The following ECI1 variants were observed in gnomAD, a reference collection of about 807,000 sequenced individuals.
The protein encoded by ECI1 is enoyl-CoA delta isomerase 1, also known as enoyl-CoA delta isomerase 1, mitochondrial.
Under a neutral mutation model 34.2 loss-of-function variants are expected in ECI1, and 34 were observed. The observed-to-expected ratio is 1.00, with a 90% confidence interval of 0.76 to 1.33. The LOEUF is 1.33. ECI1 is among the 40% of genes most tolerant of loss of function. The probability of loss-of-function intolerance (pLI) is 0.00; values close to 1 mark genes in which losing one functional copy is unlikely to be tolerated. For missense variants in ECI1, 456 were observed against 422.2 expected (o/e 1.08, Z -0.70); for synonymous variants, 211 against 193.0 (o/e 1.09, Z -0.77).
intron 2 of ECI1, among the ~76,000 whole-genome samples, chr16:2,250,647 T>C (rs2093551163): frequency 6.6e-6 from 1 of 152,162 alleles, no homozygotes; most frequent in Non-Finnish European, 1.5e-5. Flanking sequence ...CCAAAAGTAC[T>C]TTTTCTATCC....
intron 2 of ECI1, among the ~76,000 whole-genome samples, chr16:2,248,141 G>C (rs962657241): frequency 1.3e-5 from 2 of 151,946 alleles, no homozygotes; most frequent in Non-Finnish European, 2.9e-5. Context: ...TCGTCGCCCA[G>C]GCTGGAGTGC....
Position 2,251,524 on chromosome 16 carries a change from G to C in ECI1, c.43C>G (p.Leu15Val), listed in dbSNP as rs2093554041. Residue 15 changes from leucine to valine, a missense_variant, in exon 1 of 7, where the codon CTC (leucine) becomes GTC (valine). Leu to Val is a conservative substitution (Grantham distance 32). Coordinates refer to ENST00000301729, the MANE Select transcript of ECI1 (RefSeq NM_001919.4). ...ASVRVPARVL[L>V]RAGARLPGAA... ...ACCCCGGGTTTCGCACCCGCGCGGAGCAGAACGCGCGCCGGGACTCGCACA... is the reference window on the plus strand; with the variant it reads ...ACCCCGGGTTTCGCACCCGCGCGGACCAGAACGCGCGCCGGGACTCGCACA... The C allele has an allele frequency of 1.9e-6, 3 of 1,560,516 alleles. No homozygotes were observed. Among genetic ancestry groups the C allele is most frequent in the Non-Finnish European group, 2.6e-6 (3 of 1,153,740 alleles).
At position 2,246,852 on chromosome 16, in the gene ECI1, C is replaced by T. The variant is rs750942541; in HGVS notation, c.294+7G>A. On this transcript the variant is annotated splice_region_variant and intron_variant, in intron 3 of 6. Coordinates refer to ENST00000301729, the MANE Select transcript of ECI1 (RefSeq NM_001919.4). ...GGGCTGGGGTAGGGAGCTGAACTAG[C>T]ACCTACCGAGGTCAGAATGACACCG... is the stretch of plus-strand genomic sequence containing the variant. 2.5e-6 allele frequency: 4 copies of T among 1,612,256 alleles called. No homozygotes were observed. The highest frequency in any genetic ancestry group is 3.4e-6 in the Non-Finnish European group (4 of 1,180,004).
chr16:2,239,896 T>G lies in ECI1; in HGVS notation c.*83A>C. ...AGCAAAATGAAACGCTGGCAGTACTTTTAAGTTGAAAAATACCTTGTTTAA... is the reference window on the plus strand; with the variant it reads ...AGCAAAATGAAACGCTGGCAGTACTGTTAAGTTGAAAAATACCTTGTTTAA... On this transcript the variant is annotated 3_prime_UTR_variant, in exon 7 of 7. Coordinates refer to ENST00000301729, the MANE Select transcript of ECI1 (RefSeq NM_001919.4). 1.4e-6 allele frequency: 2 copies of G among 1,459,884 alleles called. No individual in the cohort carries two copies. The highest frequency in any genetic ancestry group is 1.9e-6 in the Non-Finnish European group (2 of 1,041,426). 90.4% of individuals were successfully genotyped at this position (1,459,884 alleles called of 1,614,324 possible).
At chr16:2,249,540 AT>A (rs2093547910) in intron 2 of ECI1, among the ~76,000 whole-genome samples, 2 of 151,700 alleles carry the variant, frequency 1.3e-5, no homozygotes, top group African/African-American at 4.8e-5. Context: ...TACAATGACA[AT>A]TTTTTTACTC....
chr16:2,242,619 AG>A, intron 6 of ECI1: 1 of 213,456 alleles, frequency 4.7e-6, no homozygotes, highest in Non-Finnish European at 9.5e-6. Context: ...CTTGGATTTA[AG>A]GTAGGTCCTA....
intron 2 of ECI1, among the ~76,000 whole-genome samples, chr16:2,250,098 G>C (rs917822910): frequency 6.7e-6 from 1 of 149,004 alleles, no homozygotes; most frequent in Non-Finnish European, 1.5e-5. Context: ...CAGAAACTCA[G>C]TTTTTACAAA....
At chr16:2,244,726 TCTC>T in intron 3 of ECI1, among the ~76,000 whole-genome samples, 174 bp from the exon 4 acceptor site, 1 of 152,254 alleles carries the variant, frequency 6.6e-6, no homozygotes, top group South Asian at 2.1e-4. Context: ...GGCCAAGGCT[TCTC>T]CTGGACCTGG....
chr16:2,244,589 C>A lies in ECI1; in HGVS notation c.295-37G>T, dbSNP rs777373321. On this transcript the variant is annotated intron_variant, in intron 3 of 6. Coordinates refer to ENST00000301729, the MANE Select transcript of ECI1 (RefSeq NM_001919.4). ...GCCGGGGCCACATGCCCATCAGAGT[C>A]CACCTCCCAGCTGGCATCACAGCAG... The A allele has an allele frequency of 5.1e-6, 8 of 1,559,692 alleles. No individual in the cohort carries two copies. The East Asian group carries it at 1.9e-4, about 37-fold the overall frequency.
chr16:2,247,402 T>C (rs2093542921), intron 2 of ECI1, among the ~76,000 whole-genome samples: 1 of 151,854 alleles, frequency 6.6e-6, no homozygotes, highest in African/African-American at 2.4e-5. Context: ...GTCCTATTTT[T>C]ATTTACTTTT....
rs142153290 is a variant in ECI1 at position 2,240,068 on chromosome 16, C to T, written c.820G>A (p.Val274Met). Reference sequence around the variant, plus strand: ...GAGATGAAGCTGACGAAGTTCTGCACGTCCGCATCGCGCTGCGTGACCAGG... The same window carrying T: ...GAGATGAAGCTGACGAAGTTCTGCATGTCCGCATCGCGCTGCGTGACCAGG... ...SRLVTQRDAD[V>M]QNFVSFISKD... Residue 274 changes from valine to methionine, a missense_variant, in exon 7 of 7, where the codon GTG (valine) becomes ATG (methionine). Physicochemically the swap from Val to Met is conservative, Grantham distance 21. Transcript: ENST00000301729. The T allele has an allele frequency of 2.3e-4, 373 of 1,613,998 alleles. No individual in the cohort carries two copies. Among genetic ancestry groups the T allele is most frequent in the Non-Finnish European group, 3.1e-4 (361 of 1,180,026 alleles).
chr16:2,240,499 G>C (rs26844), intron 6 of ECI1: 137,939 of 275,194 alleles, frequency 0.5, 35,653 homozygotes, highest in African/African-American at 0.58. Context: ...GCATGAGCCA[G>C]CACGCCCGGC....
In ECI1 at chr16:2,244,482, G is replaced by A; in HGVS notation, c.365C>T (p.Ala122Val). ...CTCCTGAACGGCCTTCCAGTACCCA[G>A]CGTAGTGGGCGGGGCTCCTCCCACA... Reference protein sequence around the residue: ...EMCGRSPAHYAGYWKAVQELW... With the variant: ...EMCGRSPAHYVGYWKAVQELW... Residue 122 changes from alanine (A) to valine (V), a missense_variant, in exon 4 of 7, where the codon GCT becomes GTT. By Grantham distance (64) the Ala-to-Val change is moderately conservative. Coordinates refer to ENST00000301729, the MANE Select transcript of ECI1 (RefSeq NM_001919.4). 6.2e-7 allele frequency: 1 copy of A among 1,610,066 alleles called. No individual in the cohort carries two copies. The highest frequency in any genetic ancestry group is 8.5e-7 in the Non-Finnish European group (1 of 1,178,770).
At chr16:2,249,380 G>C (rs1202349911) in intron 2 of ECI1, among the ~76,000 whole-genome samples, 1 of 151,966 alleles carries the variant, frequency 6.6e-6, no homozygotes, top group East Asian at 1.9e-4. Context: ...GTATTGGAAT[G>C]GGTAGTGTGG....
rs746958924 is a variant in ECI1 at position 2,246,982 on chromosome 16, G to A, written c.171C>T (p.Val57=). The part of the protein sequence containing the change: ...VLVEPDAGAG[V]AVMKFKNPPV... ...GGGGGTTCTTGAATTTCATCACAGC[G>A]ACCCCTAATTTAAAGAATGAGAAGA... Residue 57 remains valine (V), a synonymous_variant, in exon 3 of 7, where the codon GTC becomes GTT. Coordinates refer to ENST00000301729, the MANE Select transcript of ECI1 (RefSeq NM_001919.4). 7.4e-6 allele frequency: 12 copies of A among 1,613,006 alleles called. No individual in the cohort carries two copies. The highest frequency in any genetic ancestry group is 4.0e-5 in the African/African-American group (3 of 74,906).
rs2093523058 is a variant in ECI1, at chr16:2,239,627, G to A, written c.*352C>T. 2 of 366,744 alleles carry A rather than the reference G, an allele frequency of 5.5e-6. No individual in the cohort carries two copies. Among genetic ancestry groups the A allele is most frequent in the Non-Finnish European group, 1.1e-5 (2 of 188,936 alleles). 22.7% of individuals were successfully genotyped at this position (366,744 alleles called of 1,614,324 possible). On this transcript the variant is annotated 3_prime_UTR_variant, in exon 7 of 7. Transcript: ENST00000301729. ...AGACCACCTGGCCTTACACCTAAGA[G>A]CAGGCAGTCCAAAGGCCAGAATGGA...
intron 6 of ECI1, chr16:2,240,446 G>T: frequency 2.8e-6 from 1 of 359,900 alleles, no homozygotes; most frequent in Non-Finnish European, 5.3e-6. Context: ...CCTGACCTCA[G>T]GTGATCCACC....
chr16:2,240,052 C>G lies in ECI1; in HGVS notation c.836G>C (p.Ser279Thr). 1 of 1,614,006 alleles carries G rather than the reference C, an allele frequency of 6.2e-7. No homozygotes were observed. The highest frequency in any genetic ancestry group is 8.5e-7 in the Non-Finnish European group (1 of 1,180,020). Reference protein sequence around the residue: ...QRDADVQNFVSFISKDSIQKS... With the variant: ...QRDADVQNFVTFISKDSIQKS... ...CTGGATGGAGTCTTTGGAGATGAAG[C>G]TGACGAAGTTCTGCACGTCCGCATC... Residue 279 changes from serine to threonine, a missense_variant, in exon 7 of 7, where the codon AGC becomes ACC. Coordinates refer to ENST00000301729, the MANE Select transcript of ECI1 (RefSeq NM_001919.4).
intron 5 of ECI1, 29 bp downstream of exon 5, chr16:2,243,289 T>A (rs1262105790): frequency 6.2e-7 from 1 of 1,613,364 alleles, no homozygotes; most frequent in Admixed American, 1.7e-5. Context: ...ACAACAAGCA[T>A]GGAGCGTGGC....
Sources: allele counts gnomAD v4.1 joint callset (sites outside exome capture counted in the v4.1 genomes callset), GRCh38; gene constraint gnomAD v4.1.1; transcripts MANE v1.5; gene names NCBI Gene and HGNC (gene_info 2026-07-23, HGNC 2026-07-21).